Variants in MDGA2 observed in about 807,000 individuals in gnomAD.
MDGA2 encodes MAM domain-containing glycosylphosphatidylinositol anchor protein 2.
A neutral mutation model predicts 117.8 loss-of-function variants in MDGA2; 40 were observed. The observed-to-expected ratio is 0.34, with a 90% confidence interval of 0.26 to 0.44. MDGA2 has a LOEUF of 0.44. MDGA2 is among the 20% of genes least tolerant of loss of function. The pLI is 1.00. For missense variants in MDGA2, 1,123 were observed against 1,250.6 expected (o/e 0.90, Z 1.54); for synonymous variants, 452 against 439.0 (o/e 1.03, Z -0.37).
intron 1 of MDGA2, among the ~76,000 whole-genome samples, chr14:47,468,735 G>C (rs137906929): frequency 0.015 from 2,298 of 152,078 alleles, 28 homozygotes; most frequent in Middle Eastern, 0.024. Flanking sequence ...ATTTTTTAAA[G>C]TATATTTTAG....
At chr14:47,051,399 C>A (rs957313117) in intron 7 of MDGA2, among the ~76,000 whole-genome samples, 1 of 151,960 alleles carries the variant, frequency 6.6e-6, no homozygotes, top group South Asian at 2.1e-4. Context: ...GAACACACCA[C>A]ATGTTCCATA....
chr14:47,158,580 G>C (rs891881244), intron 3 of MDGA2, among the ~76,000 whole-genome samples: 13 of 150,454 alleles, frequency 8.6e-5, no homozygotes, highest in African/African-American at 3.2e-4. Context: ...TCCTGTTCAA[G>C]TGATTCTCCT....
chr14:47,644,523 G>A (rs1432457324), intron 1 of MDGA2, among the ~76,000 whole-genome samples: 1 of 152,092 alleles, frequency 6.6e-6, no homozygotes, highest in Non-Finnish European at 1.5e-5. Flanking sequence ...GAAGTACACA[G>A]CAGAAGAGAA....
At chr14:46,947,824 T>C (rs1302468318) in intron 9 of MDGA2, among the ~76,000 whole-genome samples, 1 of 151,532 alleles carries the variant, frequency 6.6e-6, no homozygotes, top group Non-Finnish European at 1.5e-5. Flanking sequence ...GTCGTCCTTT[T>C]TACTTTCTAA....
intron 3 of MDGA2, among the ~76,000 whole-genome samples, chr14:47,204,948 C>A (rs995606441): frequency 6.6e-6 from 1 of 151,838 alleles, no homozygotes; most frequent in Non-Finnish European, 1.5e-5. Context: ...TTGGAGTGGC[C>A]TAAGTCACAA....
chr14:47,036,847 T>A (rs1433169292), intron 7 of MDGA2, among the ~76,000 whole-genome samples: 1 of 152,230 alleles, frequency 6.6e-6, no homozygotes, highest in African/African-American at 2.4e-5. Context: ...TATTCAAATA[T>A]CTTCAATTCA....
chr14:47,006,536 C>G (rs902435953), intron 8 of MDGA2, among the ~76,000 whole-genome samples: 2 of 150,050 alleles, frequency 1.3e-5, no homozygotes, highest in African/African-American at 4.9e-5. Flanking sequence ...TTTGTGAGCA[C>G]CCAGTCAACT....
chr14:47,165,161 T>C (rs541149852), intron 3 of MDGA2, among the ~76,000 whole-genome samples: 13 of 152,098 alleles, frequency 8.5e-5, no homozygotes, highest in East Asian at 7.8e-4. Context: ...AATGACAAGT[T>C]AATGGGTGCA....
chr14:47,335,083 T>G (rs866967646), intron 1 of MDGA2, among the ~76,000 whole-genome samples: 69 of 151,840 alleles, frequency 4.5e-4, no homozygotes, highest in Middle Eastern at 3.2e-3. Context: ...TTAATTTCAT[T>G]AATTTAAAGC....
intron 1 of MDGA2, among the ~76,000 whole-genome samples, chr14:47,554,739 C>A (rs191489194): frequency 6.6e-6 from 1 of 152,276 alleles, no homozygotes; most frequent in East Asian, 1.9e-4. Flanking sequence ...ACTTTGGTTA[C>A]ATTCAAATAC....
At chr14:47,478,843 C>T (rs769861510) in intron 1 of MDGA2, among the ~76,000 whole-genome samples, 5 of 152,186 alleles carry the variant, frequency 3.3e-5, no homozygotes, top group Non-Finnish European at 1.5e-5. Flanking sequence ...GAGTGAAAGA[C>T]ATGGCTTTGA....
chr14:47,096,792 T>G, intron 6 of MDGA2, 62 bp downstream of exon 6: 1 of 1,517,792 alleles, frequency 6.6e-7, no homozygotes. Flanking sequence ...TATCAACCAT[T>G]ATTTGCTTTT....
intron 7 of MDGA2, among the ~76,000 whole-genome samples, chr14:47,035,723 T>C (rs1432450213): frequency 6.6e-6 from 1 of 152,212 alleles, no homozygotes; most frequent in Non-Finnish European, 1.5e-5. Context: ...TCAAAAGTTT[T>C]GACTAGTTTA....
intron 1 of MDGA2, among the ~76,000 whole-genome samples, chr14:47,668,808 C>T (rs1433945328): frequency 4.6e-5 from 7 of 152,204 alleles, no homozygotes; most frequent in Admixed American, 4.6e-4. Context: ...GAGATGACAG[C>T]ACATTCCCTT....
intron 7 of MDGA2, among the ~76,000 whole-genome samples, chr14:47,036,270 C>CAA (rs11310113): frequency 0.014 from 1,044 of 73,564 alleles, 2 homozygotes; most frequent in East Asian, 0.023. Flanking sequence ...ACTCTGTCTC[C>CAA]AAAAAAAAAA....
At chr14:47,671,447 G>GAT (rs1200334811) in intron 1 of MDGA2, among the ~76,000 whole-genome samples, 1 of 152,150 alleles carries the variant, frequency 6.6e-6, no homozygotes, top group Non-Finnish European at 1.5e-5. Context: ...GGAGAAAAGG[G>GAT]ATACCCTAGC....
intron 8 of MDGA2, among the ~76,000 whole-genome samples, chr14:46,974,479 C>T (rs201730714): frequency 2.0e-5 from 3 of 152,068 alleles, no homozygotes; most frequent in East Asian, 3.9e-4. Context: ...TCAAAAGTCA[C>T]TACAGAGCTC....
intron 3 of MDGA2, among the ~76,000 whole-genome samples, chr14:47,157,593 ATATGTGTGTGTG>A (rs757807099): frequency 1.7e-4 from 21 of 125,286 alleles, no homozygotes; most frequent in African/African-American, 3.3e-4. Context: ...CTATGTACAT[ATATGTGTGTGTG>A]TGTGTGTGTG....
chr14:47,467,965 T>A (rs1396106373), intron 1 of MDGA2, among the ~76,000 whole-genome samples: 1 of 152,106 alleles, frequency 6.6e-6, no homozygotes, highest in Non-Finnish European at 1.5e-5. Flanking sequence ...TGGGAAACAC[T>A]GGGTAAGAAG....
Sources: allele counts gnomAD v4.1 joint callset (sites outside exome capture counted in the v4.1 genomes callset), GRCh38; gene constraint gnomAD v4.1.1; transcripts MANE v1.5; gene names NCBI Gene and HGNC (gene_info 2026-07-23, HGNC 2026-07-21).